NEK11: variants seen among roughly 807,000 people sequenced by gnomAD.
NEK11 encodes the protein NIMA related kinase 11.
NEK11 carries 72 observed loss-of-function variants against 80.7 expected under a neutral mutation model. That is an observed-to-expected ratio of 0.89 (90% CI 0.74 to 1.08). NEK11 has a LOEUF of 1.08. NEK11 is among the 50% of genes least tolerant of loss of function. NEK11 has a pLI of 0.00. For synonymous variants in NEK11, 251 were observed against 260.7 expected (o/e 0.96, Z 0.36); for missense variants, 764 against 763.6 (o/e 1.00, Z -0.01).
intron 6 of NEK11, chr3:131,133,375 T>G (rs2084911547): frequency 2.3e-6 from 1 of 425,762 alleles, no homozygotes; most frequent in African/African-American, 2.1e-5. Context: ...AAAAAGCTGA[T>G]AGATTCAAAT....
chr3:131,246,959 A>AT (rs557293020), intron 16 of NEK11, among the ~76,000 whole-genome samples: 53 of 150,526 alleles, frequency 3.5e-4, no homozygotes, highest in Non-Finnish European at 4.3e-4. Flanking sequence ...TTTTGATGGG[A>AT]TTTTTTTTTG....
chr3:131,254,652 G>A (rs951916447), intron 16 of NEK11, among the ~76,000 whole-genome samples: 9 of 152,140 alleles, frequency 5.9e-5, no homozygotes, highest in African/African-American at 1.4e-4. Context: ...CAGTTTGGAT[G>A]TACAAAGCCT....
chr3:131,277,698 C>T (rs2096319521), intron 17 of NEK11, among the ~76,000 whole-genome samples: 2 of 152,200 alleles, frequency 1.3e-5, no homozygotes, highest in African/African-American at 4.8e-5. Context: ...TAGACCCTAG[C>T]ACAGTGGTCA....
At chr3:131,205,733 G>A (rs2094423724) in intron 14 of NEK11, among the ~76,000 whole-genome samples, 1 of 152,174 alleles carries the variant, frequency 6.6e-6, no homozygotes. Context: ...TTAAGCCAAA[G>A]TTAGGCCTTG....
chr3:131,309,072 G>A (rs1008810539), intron 17 of NEK11, among the ~76,000 whole-genome samples: 2 of 152,152 alleles, frequency 1.3e-5, no homozygotes, highest in Admixed American at 6.5e-5. Flanking sequence ...TGTGTGGCCC[G>A]GTTCCTAACA....
intron 17 of NEK11, chr3:131,327,831 C>G (rs2096995733): frequency 1.3e-5 from 2 of 151,588 alleles, no homozygotes; most frequent in Non-Finnish European, 2.9e-5. Flanking sequence ...TTCTCAAAGT[C>G]CTGTTCTCTA....
At chr3:131,040,824 G>A (rs1295138574) in intron 3 of NEK11, among the ~76,000 whole-genome samples, 1 of 152,136 alleles carries the variant, frequency 6.6e-6, no homozygotes, top group East Asian at 1.9e-4. Flanking sequence ...GAATGTGTTT[G>A]GGTGTCAATT....
At chr3:131,066,840 CAAA>C (rs56140132) in intron 3 of NEK11, among the ~76,000 whole-genome samples, 2 of 99,762 alleles carry the variant, frequency 2.0e-5, no homozygotes. Context: ...AGACTTGTCT[CAAA>C]AAAAAAAAAA....
chr3:131,103,782 G>A (rs181928644), intron 4 of NEK11, among the ~76,000 whole-genome samples: 17 of 152,294 alleles, frequency 1.1e-4, no homozygotes, highest in Non-Finnish European at 2.2e-4. Context: ...ATGAACCCAC[G>A]TGACTCAACC....
intron 5 of NEK11, among the ~76,000 whole-genome samples, chr3:131,123,290 C>G (rs1330407477): frequency 6.6e-6 from 1 of 152,116 alleles, no homozygotes; most frequent in Non-Finnish European, 1.5e-5. Context: ...CCTCAACCTC[C>G]CAAGTAGCTG....
chr3:131,071,654 TATC>T (rs1482093319), intron 3 of NEK11, among the ~76,000 whole-genome samples: 25 of 152,172 alleles, frequency 1.6e-4, no homozygotes, highest in East Asian at 7.7e-4. Flanking sequence ...ATTAAACAAA[TATC>T]ATGTTGTTTT....
At chr3:131,277,292 G>A (rs1204155900) in intron 17 of NEK11, among the ~76,000 whole-genome samples, 1 of 152,114 alleles carries the variant, frequency 6.6e-6, no homozygotes, top group African/African-American at 2.4e-5. Flanking sequence ...TTCATCATAT[G>A]TTATATCCAT....
chr3:131,267,314 C>T (rs565046654), intron 16 of NEK11, among the ~76,000 whole-genome samples: 2 of 152,324 alleles, frequency 1.3e-5, no homozygotes, highest in Admixed American at 1.3e-4. Context: ...CATGTTTTTG[C>T]AGTGGCTGGT....
At chr3:131,140,033 C>T (rs1324143146) in intron 7 of NEK11, among the ~76,000 whole-genome samples, 1 of 152,150 alleles carries the variant, frequency 6.6e-6, no homozygotes, top group Non-Finnish European at 1.5e-5. Context: ...CAAAAATGGC[C>T]ATCATAACAT....
At chr3:131,297,445 C>T (rs916453488) in intron 17 of NEK11, among the ~76,000 whole-genome samples, 43 of 151,886 alleles carry the variant, frequency 2.8e-4, no homozygotes, top group African/African-American at 1.0e-3. Flanking sequence ...TGTTTTTTGG[C>T]TGCATAAATG....
chr3:131,327,142 T>C (rs2096981257), intron 17 of NEK11: 1 of 152,296 alleles, frequency 6.6e-6, no homozygotes, highest in Non-Finnish European at 1.5e-5. Flanking sequence ...CCATAGTATT[T>C]AAGCAGCACA....
At chr3:131,331,770 G>A (rs1016193604) in intron 17 of NEK11, among the ~76,000 whole-genome samples, 1 of 152,198 alleles carries the variant, frequency 6.6e-6, no homozygotes, top group Non-Finnish European at 1.5e-5. Flanking sequence ...CTAATACTGC[G>A]CTTTTCCGAC....
intron 14 of NEK11, among the ~76,000 whole-genome samples, chr3:131,215,336 T>C (rs184174431): frequency 2.0e-5 from 3 of 151,408 alleles, no homozygotes; most frequent in African/African-American, 7.3e-5. Context: ...GACGAGTTAA[T>C]GGGTGCAGCA....
chr3:131,121,281 A>T (rs2082330593), intron 5 of NEK11, among the ~76,000 whole-genome samples: 1 of 152,240 alleles, frequency 6.6e-6, no homozygotes, highest in African/African-American at 2.4e-5. Context: ...GGGTATCACC[A>T]GCAGAGGCTG....
Sources: gnomAD v4.1 joint callset for allele counts (sites outside exome capture counted in the v4.1 genomes callset) on GRCh38, gnomAD v4.1.1 for gene constraint, MANE v1.5 for transcripts, NCBI Gene and HGNC (gene_info 2026-07-23, HGNC 2026-07-21) for gene names.